The following SMAD5 variants were observed in gnomAD, a reference collection of about 807,000 sequenced individuals.
SMAD5 encodes SMAD family member 5.
SMAD5 carries 9 observed loss-of-function variants against 43.1 expected under a neutral mutation model. That is an observed-to-expected ratio of 0.21 (90% CI 0.13 to 0.36). The LOEUF is 0.36. Among genes scored for constraint, SMAD5 ranks in the 10% least tolerant of loss-of-function variants. The probability of loss-of-function intolerance (pLI) is 1.00; values close to 1 mark genes in which losing one functional copy is unlikely to be tolerated. For synonymous variants in SMAD5, 190 were observed against 192.4 expected (o/e 0.99, Z 0.10); for missense variants, 348 against 574.0 (o/e 0.61, Z 4.02).
chr5:136,174,812 T>G (rs535011269), intron 7 of SMAD5, among the ~76,000 whole-genome samples, 180 bp downstream of exon 7: 1 of 152,354 alleles, frequency 6.6e-6, no homozygotes, highest in Non-Finnish European at 1.5e-5. Flanking sequence ...TAAGATTTCA[T>G]TTTGTAATCT....
At chr5:136,150,167 T>A (rs954916158) in intron 2 of SMAD5, among the ~76,000 whole-genome samples, 2 of 151,818 alleles carry the variant, frequency 1.3e-5, no homozygotes, top group East Asian at 1.9e-4. Flanking sequence ...TTTTTTTTTT[T>A]AGCTCTTTGT....
At chr5:136,154,329 A>G (rs1047613592) in intron 3 of SMAD5, among the ~76,000 whole-genome samples, 166 bp downstream of exon 3, 4 of 152,136 alleles carry the variant, frequency 2.6e-5, no homozygotes, top group African/African-American at 9.7e-5. Context: ...TTAGCTTTTT[A>G]TATGTAGGTG....
At chr5:136,177,197 G>A (rs1250044154) in intron 7 of SMAD5, 140 bp from the exon 8 acceptor site, 1 of 676,456 alleles carries the variant, frequency 1.5e-6, no homozygotes, top group Non-Finnish European at 2.6e-6. Context: ...TACTAAGACT[G>A]GTTTTGTGAT....
chr5:136,171,651 A>G (rs1253731727), intron 5 of SMAD5, among the ~76,000 whole-genome samples: 1 of 152,174 alleles, frequency 6.6e-6, no homozygotes, highest in African/African-American at 2.4e-5. Flanking sequence ...ACCTGGTTTC[A>G]TAGGTTTACA....
intron 3 of SMAD5, among the ~76,000 whole-genome samples, chr5:136,155,243 A>C (rs1421897510): frequency 1.3e-5 from 2 of 152,140 alleles, no homozygotes; most frequent in Non-Finnish European, 2.9e-5. Flanking sequence ...TGGCAACAGC[A>C]TTCATGTAAT....
intron 3 of SMAD5, among the ~76,000 whole-genome samples, chr5:136,160,443 C>T (rs925690526): frequency 6.6e-6 from 1 of 152,080 alleles, no homozygotes; most frequent in Non-Finnish European, 1.5e-5. Context: ...CCTAGTACTC[C>T]CATGTGAAAT....
chr5:136,161,456 A>G lies in SMAD5; in HGVS notation c.655+349A>G, dbSNP rs534203578. 8.5e-5 allele frequency among the ~76,000 whole-genome samples: 13 copies of G among 152,348 alleles called. No individual in the cohort carries two copies. The South Asian group carries it at 2.7e-3, about 32-fold the overall frequency. On this transcript the variant is annotated intron_variant, in intron 4 of 7. Transcript: ENST00000545279. ...TGAGATAGATATTCCTGTTTTACAG[A>G]TGGAAAAAGAAATTCTAAAGTAAAT...
Position 136,177,757 on chromosome 5 carries a change from T to G in SMAD5, c.*277T>G, listed in dbSNP as rs1459075242. 3 of 305,326 alleles carry G rather than the reference T, an allele frequency of 9.8e-6. No individual in the cohort carries two copies. The East Asian group carries it at 2.0e-4, about 20-fold the overall frequency. 18.9% of individuals were successfully genotyped at this position (305,326 alleles called of 1,614,324 possible). On this transcript the variant is annotated 3_prime_UTR_variant, in exon 8 of 8. Transcript: ENST00000545279. The stretch of plus-strand genomic sequence containing the variant: ...TTGATCTTAAACTGGAACATGCTTT[T>G]ACTTTATTGCCCTAACAATTTTTTA...
intron 3 of SMAD5, among the ~76,000 whole-genome samples, chr5:136,158,493 A>G (rs529012609): frequency 7.2e-5 from 11 of 152,196 alleles, no homozygotes; most frequent in Non-Finnish European, 1.6e-4. Context: ...CTCTTAGGAC[A>G]CTAATAGAGG....
Position 136,172,425 on chromosome 5 carries a change from T to C in SMAD5, c.776-9T>C, listed in dbSNP as rs144771855. 3.5e-4 allele frequency: 526 copies of C among 1,515,598 alleles called. 5 individuals carry two copies. The East Asian group carries it at 0.011, about 33-fold the overall frequency. The allele number at this position is 1,515,598 out of a possible 1,614,324, so 93.9% of individuals were successfully genotyped here. A position where few individuals can be genotyped will look rare whatever the true frequency, so the allele number is the denominator to read the frequency against. On this transcript the variant is annotated splice_polypyrimidine_tract_variant and intron_variant, in intron 5 of 7. Coordinates refer to ENST00000545279, the MANE Select transcript of SMAD5 (RefSeq NM_005903.7). ...TATTAAACTCTTTCTGTGTCTGGTT[T>C]GTTCACAGATGTTCAGCCTGTTGCC... is the stretch of plus-strand genomic sequence containing the variant.
At chr5:136,165,896 A>G (rs529413919) in intron 5 of SMAD5, among the ~76,000 whole-genome samples, 3 of 151,784 alleles carry the variant, frequency 2.0e-5, no homozygotes, top group African/African-American at 7.2e-5. Flanking sequence ...GGGCGTACAC[A>G]TATCTCTTCG....
At chr5:136,163,783 A>G (rs1274005982) in intron 5 of SMAD5, among the ~76,000 whole-genome samples, 3 of 152,194 alleles carry the variant, frequency 2.0e-5, no homozygotes. Flanking sequence ...GCATGTATCA[A>G]TAGTTTGTTC....
At chr5:136,149,160 A>T (rs1251430967) in intron 2 of SMAD5, among the ~76,000 whole-genome samples, 3 of 151,854 alleles carry the variant, frequency 2.0e-5, no homozygotes, top group African/African-American at 7.2e-5. Context: ...TGTTTTACAC[A>T]TACTAGTTCT....
chr5:136,156,181 T>A (rs1753629626), intron 3 of SMAD5, among the ~76,000 whole-genome samples: 1 of 152,208 alleles, frequency 6.6e-6, no homozygotes, highest in African/African-American at 2.4e-5. Context: ...TTATAGGTAG[T>A]TCACATTCAT....
chr5:136,149,873 TAGTAAG>T (rs1030658353), intron 2 of SMAD5, among the ~76,000 whole-genome samples: 35 of 151,898 alleles, frequency 2.3e-4, no homozygotes, highest in African/African-American at 7.7e-4. Context: ...CTAGTTTTAC[TAGTAAG>T]AGTTCTAGGT....
At chr5:136,177,091 C>T (rs1310541719) in intron 7 of SMAD5, among the ~76,000 whole-genome samples, 1 of 152,118 alleles carries the variant, frequency 6.6e-6, no homozygotes, top group Admixed American at 6.5e-5. Context: ...TGAACTATAA[C>T]TGGCTCTAAG....
intron 3 of SMAD5, among the ~76,000 whole-genome samples, chr5:136,158,729 C>T (rs1286755360): frequency 3.3e-5 from 5 of 152,132 alleles, no homozygotes; most frequent in Non-Finnish European, 5.9e-5. Context: ...GAAACCCCGT[C>T]TCTACTAAAA....
rs545234040 is a variant in SMAD5 at position 136,181,397 on chromosome 5, T to C, written c.*3917T>C. The stretch of plus-strand genomic sequence containing the variant: ...GTGTGTCATCGTTATATTGTTCAGC[T>C]AGATGAGCAAGTATCTTAGGGTAGT... On this transcript the variant is annotated 3_prime_UTR_variant, in exon 8 of 8. Coordinates refer to ENST00000545279, the MANE Select transcript of SMAD5 (RefSeq NM_005903.7). The C allele has an allele frequency of 6.6e-6, 1 of 152,284 alleles. No homozygotes were observed. Among genetic ancestry groups the C allele is most frequent in the Admixed American group, 6.5e-5 (1 of 15,298 alleles). The allele number at this position is 152,284 out of a possible 1,614,324, so 9.4% of individuals were successfully genotyped here. A position where few individuals can be genotyped will look rare whatever the true frequency, so the allele number is the denominator to read the frequency against.
chr5:136,168,853 A>G (rs1044779526), intron 5 of SMAD5, among the ~76,000 whole-genome samples: 7 of 152,152 alleles, frequency 4.6e-5, no homozygotes, highest in East Asian at 1.9e-4. Context: ...ACTTAGTAAT[A>G]TGCATTTAAG....
Sources: gnomAD v4.1 joint callset for allele counts (sites outside exome capture counted in the v4.1 genomes callset) on GRCh38, gnomAD v4.1.1 for gene constraint, MANE v1.5 for transcripts, NCBI Gene and HGNC (gene_info 2026-07-23, HGNC 2026-07-21) for gene names.